Variants in PPP2R1B observed in about 807,000 individuals in gnomAD.
PPP2R1B encodes the protein protein phosphatase 2 scaffold subunit Abeta.
A neutral mutation model predicts 72.7 loss-of-function variants in PPP2R1B; 58 were observed. That is an observed-to-expected ratio of 0.80 (90% CI 0.65 to 0.99). PPP2R1B has a LOEUF of 0.99. PPP2R1B is among the 50% of genes least tolerant of loss of function. PPP2R1B has a pLI of 0.00. For missense variants in PPP2R1B, 695 were observed against 733.6 expected, an observed-to-expected ratio of 0.95 and a Z score of 0.61; for synonymous variants, 256 against 264.6, an observed-to-expected ratio of 0.97 and a Z score of 0.32.
Position 111,738,462 on chromosome 11 carries a change from C to T in PPP2R1B, c.*3134G>A. 1 of 985,468 alleles carries T rather than the reference C, an allele frequency of 1.0e-6. No individual in the cohort carries two copies. 61.0% of individuals were successfully genotyped at this position (985,468 alleles called of 1,614,324 possible). On this transcript the variant is annotated 3_prime_UTR_variant, in exon 15 of 15. Transcript: ENST00000527614. ...AACAGTTAACAAAGGAACAAAAGTG[C>T]ACCAGGTTAACCGCCGGGTCAGGAA... is the stretch of plus-strand genomic sequence containing the variant.
chr11:111,690,412 T>TC, the PPP2R1B span, among the ~76,000 whole-genome samples: 1 of 151,718 alleles, frequency 6.6e-6, no homozygotes, highest in Non-Finnish European at 1.5e-5. Flanking sequence ...TGTTTTTTTT[T>TC]CCAAGAGAAC....
downstream of PPP2R1B, chr11:111,723,822 C>T (rs55889697): frequency 1.6e-4 from 254 of 1,613,524 alleles, no homozygotes; most frequent in Non-Finnish European, 2.1e-4. Flanking sequence ...CAGCCGCCAC[C>T]GCCACCACCC....
downstream of PPP2R1B, chr11:111,724,034 G>A (rs111845343): frequency 2.4e-5 from 38 of 1,614,016 alleles, no homozygotes; most frequent in African/African-American, 3.6e-4. Flanking sequence ...CTCCAGCTAC[G>A]ACCCACTAGC....
downstream of PPP2R1B, chr11:111,724,176 T>G (rs1943897066): frequency 1.3e-6 from 2 of 1,552,050 alleles, no homozygotes; most frequent in African/African-American, 2.7e-5. Context: ...AGAGTGTATG[T>G]TCCTATTTTT....
intron 11 of PPP2R1B, among the ~76,000 whole-genome samples, chr11:111,746,883 A>T (rs1176586037): frequency 6.6e-6 from 1 of 152,216 alleles, no homozygotes; most frequent in Non-Finnish European, 1.5e-5. Context: ...CCACATATAT[A>T]AGCCCTTATA....
chr11:111,703,759 G>A, the PPP2R1B span, among the ~76,000 whole-genome samples: 1 of 152,180 alleles, frequency 6.6e-6, no homozygotes, highest in Non-Finnish European at 1.5e-5. Context: ...TGTATGGAAT[G>A]TAAATGTGCA....
intron 15 of PPP2R1B, among the ~76,000 whole-genome samples, chr11:111,731,174 C>T (rs1055486495): frequency 3.3e-5 from 5 of 152,360 alleles, no homozygotes; most frequent in East Asian, 3.9e-4. Context: ...CAGGGCAAAG[C>T]GCATCAGCCC....
Position 111,760,961 on chromosome 11 carries a change from G to A in PPP2R1B, c.397C>T (p.Pro133Ser), listed in dbSNP as rs138745640. The A allele has an allele frequency of 1.2e-6, 2 of 1,614,218 alleles. No homozygotes were observed. The highest frequency in any genetic ancestry group is 1.7e-6 in the Non-Finnish European group (2 of 1,180,046). The change falls in exon 4 of 15, where the codon CCT (proline) becomes TCT (serine). Residue 133 changes from proline to serine, a missense_variant. Physicochemically the swap from Pro to Ser is moderately conservative, Grantham distance 74. Transcript: ENST00000527614. ...SLRQISQEHT[P>S]VALEAYFVPL... ...ACAAAATAAGCTTCCAGAGCAACAGGAGTATGCTCCTGGGAGATCTGTCTC... is the reference window on the plus strand; with the variant it reads ...ACAAAATAAGCTTCCAGAGCAACAGAAGTATGCTCCTGGGAGATCTGTCTC...
chr11:111,708,065 A>G, the PPP2R1B span, among the ~76,000 whole-genome samples: 1 of 152,202 alleles, frequency 6.6e-6, no homozygotes, highest in African/African-American at 2.4e-5. Flanking sequence ...GCTCCCCTTA[A>G]GAAGTTCATA....
chr11:111,742,186 G>T, intron 13 of PPP2R1B, 42 bp from the exon 14 acceptor site: 1 of 1,470,216 alleles, frequency 6.8e-7, no homozygotes, highest in South Asian at 1.1e-5. Context: ...AGTCTAATGG[G>T]CCATAGAAAT....
At chr11:111,722,189 G>A (rs576650865), downstream of PPP2R1B, among the ~76,000 whole-genome samples, 3 of 152,300 alleles carry the variant, frequency 2.0e-5, no homozygotes, top group Non-Finnish European at 2.9e-5. This position sits in a 1 kb window ranked among gnomAD's most constrained non-coding sequence, Gnocchi z 4.4. Context: ...GGGTGGGAAC[G>A]GGAGACCTGG....
chr11:111,701,713 A>G, the PPP2R1B span: 1 of 1,039,484 alleles, frequency 9.6e-7, no homozygotes, highest in East Asian at 2.6e-5. This position sits in a 1 kb window ranked among gnomAD's most constrained non-coding sequence, Gnocchi z 4.2. Flanking sequence ...AGCTATAGAA[A>G]GAAGCAACCT....
chr11:111,762,883 C>G (rs1032219873), intron 3 of PPP2R1B, among the ~76,000 whole-genome samples: 1 of 152,130 alleles, frequency 6.6e-6, no homozygotes, highest in Non-Finnish European at 1.5e-5. Flanking sequence ...GCTTCCAAGC[C>G]TCTGAAACTC....
chr11:111,692,534 T>A, the PPP2R1B span, among the ~76,000 whole-genome samples: 1 of 151,946 alleles, frequency 6.6e-6, no homozygotes, highest in Non-Finnish European at 1.5e-5. Context: ...GTGAGAATGA[T>A]AGGAAAAAAG....
chr11:111,734,863 G>C (rs1944294480), downstream of PPP2R1B, among the ~76,000 whole-genome samples: 1 of 152,208 alleles, frequency 6.6e-6, no homozygotes, highest in Non-Finnish European at 1.5e-5. Context: ...CTAACTCTGT[G>C]GGAGGAACAG....
intron 2 of PPP2R1B, 79 bp downstream of exon 2, chr11:111,765,215 T>TA: frequency 7.3e-7 from 1 of 1,375,138 alleles, no homozygotes. Flanking sequence ...ATGTGGGTAA[T>TA]AAACTCTAAA....
Position 111,739,005 on chromosome 11 carries a change from C to G in PPP2R1B, c.*2591G>C, listed in dbSNP as rs1275691505. 1.0e-6 allele frequency: 1 copy of G among 984,956 alleles called. No homozygotes were observed. The highest frequency in any genetic ancestry group is 1.8e-5 in the African/African-American group (1 of 57,106). 61.0% of individuals were successfully genotyped at this position (984,956 alleles called of 1,614,324 possible). A position where few individuals can be genotyped will look rare whatever the true frequency, so the allele number is the denominator to read the frequency against. On this transcript the variant is annotated 3_prime_UTR_variant, in exon 15 of 15. Coordinates refer to ENST00000527614, the MANE Select transcript of PPP2R1B (RefSeq NM_002716.5). Reference sequence around the variant, plus strand: ...AACAACATTACATGTCTGAAGCAATCAGACAAATCCACACAGAACTGTAGT... The same window carrying G: ...AACAACATTACATGTCTGAAGCAATGAGACAAATCCACACAGAACTGTAGT...
the PPP2R1B span, chr11:111,701,139 A>G: frequency 1.6e-6 from 2 of 1,242,080 alleles, no homozygotes; most frequent in Non-Finnish European, 2.2e-6. This position sits in a 1 kb window ranked among gnomAD's most constrained non-coding sequence, Gnocchi z 4.2. Flanking sequence ...CCACTGGACT[A>G]TAATTACTCA....
the PPP2R1B span, among the ~76,000 whole-genome samples, chr11:111,696,786 A>C: frequency 1.2e-3 from 180 of 152,334 alleles, no homozygotes; most frequent in African/African-American, 4.1e-3. Flanking sequence ...ATGTTTAATG[A>C]AGGAATGAAT....
Sources: gnomAD v4.1 joint callset for allele counts (sites outside exome capture counted in the v4.1 genomes callset) on GRCh38, gnomAD v4.1.1 for gene constraint, Gnocchi (gnomAD v3.1) non-coding constraint, MANE v1.5 for transcripts, NCBI Gene and HGNC (gene_info 2026-07-23, HGNC 2026-07-21) for gene names.